GNAS: variants seen among roughly 807,000 people sequenced by gnomAD.
GNAS encodes GNAS complex locus, also known as protein ALEX.
In GNAS, 8 loss-of-function variants were observed where a neutral mutation model predicts 54.5. The ratio of observed to expected loss-of-function variants is 0.15; its 90% CI spans 0.09 to 0.26. The LOEUF is 0.26. Ranked by LOEUF, GNAS falls within the 10% of genes least tolerant of loss-of-function variation. The probability of loss-of-function intolerance (pLI) is 1.00; values close to 1 mark genes in which losing one functional copy is unlikely to be tolerated. For synonymous variants in GNAS, 204 were observed against 191.4 expected, an observed-to-expected ratio of 1.07 and a Z score of -0.54; for missense variants, 170 against 529.8, an observed-to-expected ratio of 0.32 and a Z score of 6.67.
chr20:58,909,229 C>T lies in GNAS; in HGVS notation c.585+13C>T, dbSNP rs780875899. ...GCCGAGCGATCAGGTGTGCAAAACCCCTCCCCACCAGAGGACTCTGAGCCC... is the reference window on the plus strand; with the variant it reads ...GCCGAGCGATCAGGTGTGCAAAACCTCTCCCCACCAGAGGACTCTGAGCCC... On this transcript the variant is annotated intron_variant, in intron 7 of 12. Transcript: ENST00000371085. This position sits in a 1 kb window ranked among gnomAD's most constrained non-coding sequence, Gnocchi z 7.3. 4.3e-6 allele frequency: 7 copies of T among 1,610,826 alleles called. No homozygotes were observed. The Admixed American group carries it at 6.7e-5, about 15-fold the overall frequency.
rs763022387 is a variant in GNAS at position 58,910,736 on chromosome 20, C to T, written c.1092C>T (p.Thr364=). 1.2e-6 allele frequency: 2 copies of T among 1,614,144 alleles called. No individual in the cohort carries two copies. The highest frequency in any genetic ancestry group is 2.2e-5 in the East Asian group (1 of 44,878). ...GTCACTACTGCTACCCTCATTTCAC[C>T]TGCGCTGTGGACACTGAGAACATCC... is the stretch of plus-strand genomic sequence containing the variant. ...DGRHYCYPHF[T]CAVDTENIRR... is the part of the protein sequence containing the mutation. The change falls in exon 13 of 13, where the codon ACC becomes ACT. Residue 364 remains threonine (T), a synonymous_variant. Transcript: ENST00000371085. This position sits in a 1 kb window ranked among gnomAD's most constrained non-coding sequence, Gnocchi z 5.8.
intron 1 of GNAS, chr20:58,895,328 C>T (rs2089942664): frequency 2.3e-6 from 1 of 442,162 alleles, no homozygotes; most frequent in Admixed American, 3.5e-5. Flanking sequence ...CCCTTTCCAA[C>T]ACCACCCCAC....
Position 58,903,707 on chromosome 20 carries a change from C to T in GNAS, c.348C>T (p.Pro116=), listed in dbSNP as rs745903629. The stretch of plus-strand genomic sequence containing the variant: ...CCGCCATGAGCAACCTGGTGCCCCC[C>T]GTGGAGCTGGCCAACCCCGAGAACC... The part of the protein sequence containing the change: ...IVAAMSNLVP[P]VELANPENQF... The change falls in exon 5 of 13, where the codon CCC becomes CCT. Residue 116 remains proline, a synonymous_variant. Transcript: ENST00000371085. The T allele has an allele frequency of 5.6e-6, 9 of 1,613,828 alleles. No individual in the cohort carries two copies. The highest frequency in any genetic ancestry group is 1.3e-5 in the African/African-American group (1 of 74,900).
intron 1 of GNAS, among the ~76,000 whole-genome samples, chr20:58,849,544 T>G (rs2086071222): frequency 6.6e-6 from 1 of 152,104 alleles, no homozygotes; most frequent in African/African-American, 2.4e-5. Context: ...GCTGCAAAAA[T>G]CTCCATCCCA....
At chr20:58,871,749 A>G (rs2087483955) in intron 1 of GNAS, among the ~76,000 whole-genome samples, 1 of 151,976 alleles carries the variant, frequency 6.6e-6, no homozygotes, top group Non-Finnish European at 1.5e-5. Context: ...AGAAAAGAAA[A>G]GAAAGGAAAA....
At chr20:58,892,096 C>G (rs909314959) in intron 1 of GNAS, 1 of 966,002 alleles carries the variant, frequency 1.0e-6, no homozygotes, top group African/African-American at 1.8e-5. Flanking sequence ...GGGCGCGGGT[C>G]CCCCTCCCCC....
chr20:58,848,292 C>G (rs1246435344), intron 1 of GNAS, among the ~76,000 whole-genome samples: 1 of 152,194 alleles, frequency 6.6e-6, no homozygotes, highest in East Asian at 1.9e-4. Context: ...TCACTGCAGC[C>G]CTACACTCCA....
At chr20:58,901,759 A>G (rs1408588914) in intron 3 of GNAS, among the ~76,000 whole-genome samples, 1 of 152,082 alleles carries the variant, frequency 6.6e-6, no homozygotes, top group Non-Finnish European at 1.5e-5. Flanking sequence ...ATTTGTAAGT[A>G]TAATTCTTTG....
chr20:58,855,118 GC>G, intron 1 of GNAS: 1 of 1,613,708 alleles, frequency 6.2e-7, no homozygotes, highest in Non-Finnish European at 8.5e-7. Context: ...GCCTTCGGGG[GC>G]TGCTTCGGTC....
upstream of GNAS, among the ~76,000 whole-genome samples, chr20:58,889,898 G>A (rs2088968204): frequency 6.6e-6 from 1 of 151,642 alleles, no homozygotes; most frequent in Admixed American, 6.6e-5. Context: ...AGATGGCCAT[G>A]AAGCTCAAAG....
chr20:58,900,312 A>G (rs2090489578), intron 3 of GNAS: 1 of 315,458 alleles, frequency 3.2e-6, no homozygotes. Context: ...CTTGAACCCT[A>G]CTAATACCTT....
At chr20:58,842,914 T>C (rs1263716911) in intron 1 of GNAS, among the ~76,000 whole-genome samples, 1 of 152,224 alleles carries the variant, frequency 6.6e-6, no homozygotes, top group Admixed American at 6.5e-5. Context: ...GAAATGAGCA[T>C]GTTGCCTTGT....
rs200910410 is a variant in GNAS, at chr20:58,853,803, C to T, written c.43+12917C>T. The stretch of plus-strand genomic sequence containing the variant: ...GAGAGGCTGCAGTCAACTTCTCTTA[C>T]AGGTCCCAGACCTTGCTCCAGGAGG... On this transcript the variant is annotated intron_variant, in intron 1 of 12. Transcript: ENST00000306090. The surrounding 1 kb of genome is among the most constrained non-coding windows in gnomAD (Gnocchi z 4.4). The T allele has an allele frequency of 2.0e-4, 320 of 1,608,430 alleles. No individual in the cohort carries two copies. Among genetic ancestry groups the T allele is most frequent in the Non-Finnish European group, 2.6e-4 (310 of 1,177,714 alleles).
chr20:58,876,609 T>A (rs1265941029), intron 1 of GNAS: 1 of 152,114 alleles, frequency 6.6e-6, no homozygotes, highest in Non-Finnish European at 1.5e-5. Flanking sequence ...AGTTACAGTT[T>A]TATTTCAGAC....
chr20:58,848,811 G>T, intron 1 of GNAS: 2 of 398,212 alleles, frequency 5.0e-6, no homozygotes, highest in South Asian at 1.3e-4. Context: ...TCAACTCCTC[G>T]AACATTTGGC....
chr20:58,840,431 T>C, upstream of GNAS: 3 of 1,613,452 alleles, frequency 1.9e-6, no homozygotes, highest in Non-Finnish European at 2.5e-6. The surrounding 1 kb of genome is among the most constrained non-coding windows in gnomAD (Gnocchi z 6.0). Context: ...AGAGTTCGAC[T>C]ACGAGACCGA....
At chr20:58,870,640 G>A (rs985942747) in intron 1 of GNAS, among the ~76,000 whole-genome samples, 4 of 152,178 alleles carry the variant, frequency 2.6e-5, no homozygotes, top group African/African-American at 9.7e-5. Context: ...CACCAATACA[G>A]CCATTCTGTG....
intron 5 of GNAS, among the ~76,000 whole-genome samples, chr20:58,904,924 A>G (rs1365928470): frequency 6.6e-6 from 1 of 152,184 alleles, no homozygotes; most frequent in African/African-American, 2.4e-5. Flanking sequence ...GTTCCTACCT[A>G]CAAGTCCCCC....
chr20:58,887,628 G>T (rs1365017094), upstream of GNAS, among the ~76,000 whole-genome samples: 1 of 152,160 alleles, frequency 6.6e-6, no homozygotes, highest in Non-Finnish European at 1.5e-5. Context: ...TCAAAATAAG[G>T]TGTATTTTTG....
Sources: gnomAD v4.1 joint callset for allele counts (sites outside exome capture counted in the v4.1 genomes callset) on GRCh38, gnomAD v4.1.1 for gene constraint, Gnocchi (gnomAD v3.1) non-coding constraint, MANE v1.5 for transcripts, NCBI Gene and HGNC (gene_info 2026-07-23, HGNC 2026-07-21) for gene names.